Variants in UVRAG observed in about 807,000 individuals in gnomAD.
UVRAG encodes the protein UV radiation resistance-associated gene protein.
UVRAG carries 19 observed loss-of-function variants against 78.0 expected under a neutral mutation model. The observed-to-expected ratio is 0.24, with a 90% CI of 0.17 to 0.36. The LOEUF (loss-of-function observed/expected upper bound fraction) is 0.36, where lower values mean the gene tolerates loss of function less well. Ranked by LOEUF, UVRAG falls within the 10% of genes least tolerant of loss-of-function variation. The pLI is 1.00. For missense variants in UVRAG, 740 were observed against 853.8 expected (o/e 0.87, Z 1.66); for synonymous variants, 323 against 324.6 (o/e 1.00, Z 0.05).
At chr11:76,068,589 A>G (rs1951242044) in intron 13 of UVRAG, among the ~76,000 whole-genome samples, 1 of 152,176 alleles carries the variant, frequency 6.6e-6, no homozygotes, top group Non-Finnish European at 1.5e-5. Flanking sequence ...GTATTCGGGA[A>G]GCCCTTTAAG....
At chr11:75,912,646 T>G (rs1947764240) in intron 6 of UVRAG, among the ~76,000 whole-genome samples, 2 of 152,338 alleles carry the variant, frequency 1.3e-5, no homozygotes, top group Admixed American at 6.5e-5. Flanking sequence ...CCAAATAAAG[T>G]TAACAGCAAC....
intron 11 of UVRAG, among the ~76,000 whole-genome samples, chr11:76,012,168 A>C (rs1950061788): frequency 6.6e-6 from 1 of 152,230 alleles, no homozygotes. Context: ...TCTAGGTGAC[A>C]GAGTGAGAAC....
At chr11:75,879,577 G>C (rs181401393) in intron 3 of UVRAG, among the ~76,000 whole-genome samples, 2 of 152,298 alleles carry the variant, frequency 1.3e-5, no homozygotes, top group Admixed American at 1.3e-4. Flanking sequence ...TTTATGTGTT[G>C]GCTGTTAATA....
chr11:76,093,849 T>C (rs938524788), intron 13 of UVRAG, among the ~76,000 whole-genome samples: 4 of 152,086 alleles, frequency 2.6e-5, no homozygotes, highest in African/African-American at 7.3e-5. Context: ...ATACCCTTTA[T>C]TTCTTTCTCC....
chr11:76,113,314 G>A lies in UVRAG; in HGVS notation c.1306-2610G>A, dbSNP rs899442387. 3.9e-5 allele frequency among the ~76,000 whole-genome samples: 6 copies of A among 152,206 alleles called. No individual in the cohort carries two copies. In the East Asian group the frequency reaches 7.7e-4, roughly 20 times the overall value. On this transcript the variant is annotated intron_variant, in intron 13 of 14. Coordinates refer to ENST00000356136, the MANE Select transcript of UVRAG (RefSeq NM_003369.4). Reference sequence around the variant, plus strand: ...CTTTAAGAAAAAGCTAGTAGATAATGTATGGGAAAGGGGATAAAGTGTTTG... The same window carrying A: ...CTTTAAGAAAAAGCTAGTAGATAATATATGGGAAAGGGGATAAAGTGTTTG...
chr11:75,836,588 G>A (rs1945781355), intron 1 of UVRAG, among the ~76,000 whole-genome samples: 1 of 151,816 alleles, frequency 6.6e-6, no homozygotes, highest in Non-Finnish European at 1.5e-5. Flanking sequence ...TTTGGCATAC[G>A]CTGCTTCTTT....
rs755169605 is a variant in UVRAG at position 76,141,051 on chromosome 11, C to T, written c.1738C>T (p.His580Tyr). The change falls in exon 15 of 15, where the codon CAC (histidine) becomes TAC (tyrosine). Residue 580 changes from histidine (H) to tyrosine (Y), a missense_variant. His to Tyr is a moderately conservative substitution (Grantham distance 83, BLOSUM62 2). Transcript: ENST00000356136. ...CTTAAACGGAGGCCACGCGAATGTGCACCCTAGCCAAGAACAAGGAGAAGC... is the reference window on the plus strand; with the variant it reads ...CTTAAACGGAGGCCACGCGAATGTGTACCCTAGCCAAGAACAAGGAGAAGC... Reference protein sequence around the residue: ...GSLNGGHANVHPSQEQGEALS... With the variant: ...GSLNGGHANVYPSQEQGEALS... 1 of 1,614,138 alleles carries T rather than the reference C, an allele frequency of 6.2e-7. No homozygotes were observed. Among genetic ancestry groups the T allele is most frequent in the Non-Finnish European group, 8.5e-7 (1 of 1,180,034 alleles).
chr11:75,940,087 A>G (rs1948454512), intron 6 of UVRAG, among the ~76,000 whole-genome samples: 1 of 152,208 alleles, frequency 6.6e-6, no homozygotes, highest in Admixed American at 6.5e-5. Flanking sequence ...TAATAAGGCT[A>G]TTTGCATAAC....
chr11:76,024,219 C>T (rs1479412015), intron 12 of UVRAG, among the ~76,000 whole-genome samples: 1 of 152,198 alleles, frequency 6.6e-6, no homozygotes, highest in African/African-American at 2.4e-5. Context: ...TATTCTTGCT[C>T]CAGATCAGTT....
At chr11:75,820,389 C>G (rs1945360544) in intron 1 of UVRAG, among the ~76,000 whole-genome samples, 1 of 147,022 alleles carries the variant, frequency 6.8e-6, no homozygotes, top group Admixed American at 6.8e-5. Flanking sequence ...GAGTCTCACT[C>G]TGTCACCCAA....
At chr11:75,947,490 T>C (rs948594780) in intron 6 of UVRAG, among the ~76,000 whole-genome samples, 37 of 152,122 alleles carry the variant, frequency 2.4e-4, no homozygotes, top group African/African-American at 8.7e-4. Context: ...AATCGTAGAA[T>C]AATGGAAGAG....
chr11:75,829,767 T>C (rs1945613092), intron 1 of UVRAG, among the ~76,000 whole-genome samples: 1 of 152,148 alleles, frequency 6.6e-6, no homozygotes, highest in Admixed American at 6.5e-5. Context: ...AACAACTGAG[T>C]GTGGTTGTAT....
At chr11:76,053,524 A>G (rs951346493) in intron 12 of UVRAG, among the ~76,000 whole-genome samples, 2 of 151,956 alleles carry the variant, frequency 1.3e-5, no homozygotes, top group Non-Finnish European at 2.9e-5. Flanking sequence ...ATCTATTCAC[A>G]TATCTTCCTC....
intron 6 of UVRAG, among the ~76,000 whole-genome samples, chr11:75,926,381 A>G (rs1948105056): frequency 6.6e-6 from 1 of 152,228 alleles, no homozygotes; most frequent in Non-Finnish European, 1.5e-5. Flanking sequence ...AACTAATGTC[A>G]TAGAGGAAAA....
At chr11:76,025,840 G>A (rs1467731401) in intron 12 of UVRAG, among the ~76,000 whole-genome samples, 3 of 152,068 alleles carry the variant, frequency 2.0e-5, no homozygotes, top group Non-Finnish European at 4.4e-5. Flanking sequence ...GGTGCATAAG[G>A]CGGTCATATA....
rs540544189 is a variant in UVRAG at position 76,018,348 on chromosome 11, T to C, written c.1226+1368T>C. ...AAAAAAAAAAAAGATAGAGCTTTAT[T>C]GTGAAAAATCATTTGATTGCTAATG... is the stretch of plus-strand genomic sequence containing the variant. On this transcript the variant is annotated intron_variant, in intron 12 of 14. Coordinates refer to ENST00000356136, the MANE Select transcript of UVRAG (RefSeq NM_003369.4). Among the ~76,000 whole-genome samples the C allele has an allele frequency of 1.1e-3, 166 of 152,272 alleles. 3 individuals carry two copies. The highest frequency in any genetic ancestry group is 1.8e-3 in the Non-Finnish European group (125 of 68,008).
chr11:75,877,502 G>A (rs1946818482), intron 3 of UVRAG, among the ~76,000 whole-genome samples: 2 of 148,070 alleles, frequency 1.4e-5, no homozygotes, highest in African/African-American at 5.0e-5. Context: ...GGCTGGCTGG[G>A]CGGGGGGTGA....
chr11:76,140,786 C>T lies in UVRAG; in HGVS notation c.1473C>T (p.Gly491=), dbSNP rs1420196541. 1 of 1,613,932 alleles carries T rather than the reference C, an allele frequency of 6.2e-7. No homozygotes were observed. Among genetic ancestry groups the T allele is most frequent in the African/African-American group, 1.3e-5 (1 of 75,012 alleles). The change falls in exon 15 of 15, where the codon GGC becomes GGT. Residue 491 remains glycine (G), a synonymous_variant. Transcript: ENST00000356136. ...CCATATTTGGGGGTGCAGATGTAGG[C>T]TTCTCTGGGGGGATCCCTTCACCAG... is the stretch of plus-strand genomic sequence containing the variant. ...QSSIFGGADV[G]FSGGIPSPDK...
intron 12 of UVRAG, among the ~76,000 whole-genome samples, chr11:76,049,710 C>T (rs763055224): frequency 6.6e-6 from 1 of 152,158 alleles, no homozygotes; most frequent in Non-Finnish European, 1.5e-5. Flanking sequence ...TAAATGTGTT[C>T]CAGATGCAGG....
Sources: gnomAD v4.1 joint callset for allele counts (sites outside exome capture counted in the v4.1 genomes callset) on GRCh38, gnomAD v4.1.1 for gene constraint, MANE v1.5 for transcripts, NCBI Gene and HGNC (gene_info 2026-07-23, HGNC 2026-07-21) for gene names.